Variants in ENAH observed in about 807,000 individuals in gnomAD.
The protein encoded by ENAH is ENAH actin regulator.
In ENAH, 23 loss-of-function variants were observed where a neutral mutation model predicts 78.7. The ratio of observed to expected loss-of-function variants is 0.29; its 90% confidence interval spans 0.21 to 0.41. The LOEUF (loss-of-function observed/expected upper bound fraction) is 0.41, where lower values mean the gene tolerates loss of function less well. Ranked by LOEUF, ENAH falls within the 10% of genes least tolerant of loss-of-function variation. ENAH has a pLI of 1.00. For synonymous variants in ENAH, 226 were observed against 241.0 expected (o/e 0.94, Z 0.58); for missense variants, 544 against 691.0 (o/e 0.79, Z 2.39).
chr1:225,588,432 A>G (rs1263434648), intron 1 of ENAH, among the ~76,000 whole-genome samples: 1 of 152,218 alleles, frequency 6.6e-6, no homozygotes, highest in Non-Finnish European at 1.5e-5. Flanking sequence ...GCCACTACAT[A>G]ACCAGCAGGA....
At chr1:225,550,256 A>G (rs2096635006) in intron 3 of ENAH, among the ~76,000 whole-genome samples, 1 of 152,162 alleles carries the variant, frequency 6.6e-6, no homozygotes, top group Non-Finnish European at 1.5e-5. Flanking sequence ...CCCTGACCCT[A>G]GAATTTTCTT....
chr1:225,573,828 T>C (rs1272121208), intron 1 of ENAH, among the ~76,000 whole-genome samples: 2 of 152,226 alleles, frequency 1.3e-5, no homozygotes, highest in African/African-American at 4.8e-5. Flanking sequence ...CTGAAAGTCA[T>C]GGCCCAACTC....
intron 4 of ENAH, among the ~76,000 whole-genome samples, chr1:225,525,486 G>A (rs547356304): frequency 2.0e-5 from 3 of 152,086 alleles, no homozygotes; most frequent in Non-Finnish European, 2.9e-5. Flanking sequence ...GCAGAACCAC[G>A]GTCAGGTTTT....
At chr1:225,524,621 G>A (rs1364020232) in intron 4 of ENAH, 1 of 985,318 alleles carries the variant, frequency 1.0e-6, no homozygotes, top group Non-Finnish European at 1.2e-6. Context: ...TCAACTTTTG[G>A]TCCATCCGGC....
At chr1:225,497,974 A>G (rs747442911) in intron 13 of ENAH, among the ~76,000 whole-genome samples, 162 bp from the exon 14 acceptor site, 1 of 152,168 alleles carries the variant, frequency 6.6e-6, no homozygotes, top group Non-Finnish European at 1.5e-5. Context: ...TAGAAAGATG[A>G]TACTAATTTC....
chr1:225,586,491 T>C (rs2096847662), intron 1 of ENAH, among the ~76,000 whole-genome samples: 1 of 151,954 alleles, frequency 6.6e-6, no homozygotes, highest in Non-Finnish European at 1.5e-5. Context: ...GCTTGATTCA[T>C]GAGACCAGCG....
intron 1 of ENAH, among the ~76,000 whole-genome samples, chr1:225,618,659 A>T (rs1656245663): frequency 6.6e-6 from 1 of 152,174 alleles, no homozygotes; most frequent in South Asian, 2.1e-4. Context: ...AATATAGATG[A>T]ATTCTCAGTG....
chr1:225,638,741 C>T (rs1449803144), intron 1 of ENAH, among the ~76,000 whole-genome samples: 2 of 152,078 alleles, frequency 1.3e-5, no homozygotes, highest in East Asian at 3.9e-4. Context: ...TCATAAAGAT[C>T]TAACGGCTCA....
chr1:225,512,021 G>A (rs1333410944), intron 9 of ENAH, among the ~76,000 whole-genome samples, 162 bp from the exon 10 acceptor site: 1 of 152,052 alleles, frequency 6.6e-6, no homozygotes, highest in Non-Finnish European at 1.5e-5. Flanking sequence ...TTCTTCTCCT[G>A]TCTTCAACCA....
chr1:225,560,707 G>A (rs2096698759), intron 2 of ENAH, among the ~76,000 whole-genome samples: 1 of 152,104 alleles, frequency 6.6e-6, no homozygotes, highest in South Asian at 2.1e-4. Context: ...CAATTCCTTA[G>A]AAGACACTAG....
At chr1:225,628,995 A>G (rs1223349119) in intron 1 of ENAH, among the ~76,000 whole-genome samples, 1 of 151,784 alleles carries the variant, frequency 6.6e-6, no homozygotes, top group Non-Finnish European at 1.5e-5. Flanking sequence ...AGACAGAAAT[A>G]TGGGCCAAGC....
In ENAH at chr1:225,487,246, G is replaced by A. The variant is rs551490624; in HGVS notation, c.*10529C>T. The A allele has an allele frequency of 6.6e-6, 1 of 152,346 alleles. No individual in the cohort carries two copies. Among genetic ancestry groups the A allele is most frequent in the South Asian group, 2.1e-4 (1 of 4,830 alleles). 9.4% of individuals were successfully genotyped at this position (152,346 alleles called of 1,614,324 possible). On this transcript the variant is annotated 3_prime_UTR_variant, in exon 14 of 14. Transcript: ENST00000366843. ...AAGTCCTTCCTAGGTTGGCTCACAA[G>A]TGGTCCTCCTTTTTATTTATTCCTA...
chr1:225,646,924 A>T (rs754919725), intron 1 of ENAH, among the ~76,000 whole-genome samples: 18 of 152,300 alleles, frequency 1.2e-4, no homozygotes, highest in Admixed American at 5.9e-4. Flanking sequence ...TGAAGCACTG[A>T]TAAGAATCAA....
At position 225,549,703 on chromosome 1, in the gene ENAH, T is replaced by C. The variant is rs979171827; in HGVS notation, c.349+5203A>G. On this transcript the variant is annotated intron_variant, in intron 3 of 13. Transcript: ENST00000366843. ...AAGCACACAGAAGGTGACCAATAAA[T>C]AGATCATTATTCCTGCCTCAGAATG... Among the ~76,000 whole-genome samples the C allele has an allele frequency of 6.6e-5, 10 of 152,184 alleles. No individual in the cohort carries two copies. In the East Asian group the frequency reaches 1.7e-3, roughly 26 times the overall value.
rs769951976 is a variant in ENAH at position 225,493,563 on chromosome 1, T to G, written c.*4212A>C. ...CATTCCTTAGAGCTTTGGAGAGATG[T>G]ACAGATATGAACTCATCTTTCTATT... On this transcript the variant is annotated 3_prime_UTR_variant, in exon 14 of 14. Transcript: ENST00000366843. 1 of 152,172 alleles carries G rather than the reference T, an allele frequency of 6.6e-6. No homozygotes were observed. Among genetic ancestry groups the G allele is most frequent in the Non-Finnish European group, 1.5e-5 (1 of 68,020 alleles). The allele number at this position is 152,172 out of a possible 1,614,324, so 9.4% of individuals were successfully genotyped here. A position where few individuals can be genotyped will look rare whatever the true frequency, so the allele number is the denominator to read the frequency against.
chr1:225,599,796 T>TAAA lies in ENAH; in HGVS notation c.6-32385_6-32383dup, dbSNP rs34052384. On this transcript the variant is annotated intron_variant, in intron 1 of 13. Transcript: ENST00000366843. ...GGGCGACAGGGCCGAGACTCCGTCT[T>TAAA]AAAAAAAAAAAAAAAAAAAAAAAAA... Among the ~76,000 whole-genome samples, 82 of 82,964 alleles carry TAAA rather than the reference T, an allele frequency of 9.9e-4. 1 individual carries two copies. In the South Asian group the frequency reaches 0.016, roughly 16 times the overall value. 54.4% of individuals were successfully genotyped at this position (82,964 alleles called of 152,430 possible). A position where few individuals can be genotyped will look rare whatever the true frequency, so the allele number is the denominator to read the frequency against.
intron 1 of ENAH, among the ~76,000 whole-genome samples, chr1:225,587,760 T>C (rs1215249161): frequency 6.6e-6 from 1 of 152,104 alleles, no homozygotes; most frequent in Non-Finnish European, 1.5e-5. Context: ...ATTACAAAGC[T>C]ACAGCAATTA....
At chr1:225,644,342 CAATT>C (rs1661580332) in intron 1 of ENAH, among the ~76,000 whole-genome samples, 1 of 152,010 alleles carries the variant, frequency 6.6e-6, no homozygotes, top group African/African-American at 2.4e-5. Flanking sequence ...GCAAAGACCA[CAATT>C]AAGTAGACTG....
intron 1 of ENAH, among the ~76,000 whole-genome samples, chr1:225,598,077 A>T (rs556797884): frequency 6.6e-6 from 1 of 152,278 alleles, no homozygotes; most frequent in Admixed American, 6.5e-5. Context: ...GAACTGAAGA[A>T]ACCTACCTTC....
Sources: gnomAD v4.1 joint callset for allele counts (sites outside exome capture counted in the v4.1 genomes callset) on GRCh38, gnomAD v4.1.1 for gene constraint, MANE v1.5 for transcripts, NCBI Gene and HGNC (gene_info 2026-07-23, HGNC 2026-07-21) for gene names.